Variants in WDFY1 observed in about 807,000 individuals in gnomAD.
WDFY1 encodes WD repeat and FYVE domain-containing protein 1.
WDFY1 carries 32 observed loss-of-function variants against 56.4 expected under a neutral mutation model. That is an observed-to-expected ratio of 0.57 (90% CI 0.43 to 0.76). WDFY1 has a LOEUF of 0.76. WDFY1 is among the 30% of genes least tolerant of loss of function. The pLI is 0.00. For synonymous variants in WDFY1, 192 were observed against 197.3 expected (o/e 0.97, Z 0.23); for missense variants, 480 against 545.7 (o/e 0.88, Z 1.20).
intron 3 of WDFY1, among the ~76,000 whole-genome samples, chr2:223,911,235 G>A (rs1693692509): frequency 6.6e-6 from 1 of 152,088 alleles, no homozygotes; most frequent in Non-Finnish European, 1.5e-5. Flanking sequence ...CAGGAGCTGG[G>A]GGAAGGGGCA....
intron 3 of WDFY1, among the ~76,000 whole-genome samples, chr2:223,910,785 G>C (rs1215083529): frequency 6.6e-6 from 1 of 152,084 alleles, no homozygotes; most frequent in African/African-American, 2.4e-5. Context: ...GCAAGGATTT[G>C]GAGAGCCGGA....
intron 1 of WDFY1, among the ~76,000 whole-genome samples, chr2:223,936,232 T>C (rs1694167473): frequency 6.6e-6 from 1 of 151,902 alleles, no homozygotes; most frequent in African/African-American, 2.4e-5. Context: ...TGGCTAATTT[T>C]TGTATTTTTA....
chr2:223,904,043 C>T (rs1027513689), intron 4 of WDFY1, among the ~76,000 whole-genome samples: 7 of 152,072 alleles, frequency 4.6e-5, no homozygotes, highest in African/African-American at 9.7e-5. Context: ...AAGGAATTTA[C>T]GGATTCTTGA....
intron 3 of WDFY1, 147 bp from the exon 4 acceptor site, chr2:223,906,148 T>C: frequency 1.7e-6 from 1 of 605,898 alleles, no homozygotes; most frequent in South Asian, 2.2e-5. Flanking sequence ...ATGATATGAA[T>C]TGCTTCTTTC....
intron 8 of WDFY1, among the ~76,000 whole-genome samples, chr2:223,886,137 AG>A (rs1158952105): frequency 6.6e-6 from 1 of 152,020 alleles, no homozygotes; most frequent in Non-Finnish European, 1.5e-5. Flanking sequence ...TGAGGTCAGG[AG>A]TTCAAGCCTG....
intron 1 of WDFY1, among the ~76,000 whole-genome samples, chr2:223,931,780 G>C (rs1391099005): frequency 1.3e-5 from 2 of 151,708 alleles, no homozygotes; most frequent in African/African-American, 4.8e-5. Flanking sequence ...CTGCCTCCCG[G>C]GTTCAAGCAA....
At chr2:223,893,387 G>A (rs1693311265) in intron 8 of WDFY1, among the ~76,000 whole-genome samples, 1 of 151,146 alleles carries the variant, frequency 6.6e-6, no homozygotes, top group Non-Finnish European at 1.5e-5. Flanking sequence ...AAAATAAGCT[G>A]TGCATGGTAG....
At chr2:223,921,860 G>C (rs1289462894) in intron 1 of WDFY1, among the ~76,000 whole-genome samples, 1 of 152,142 alleles carries the variant, frequency 6.6e-6, no homozygotes, top group Non-Finnish European at 1.5e-5. Context: ...GTCATCCTCA[G>C]CGTGACTACC....
At chr2:223,915,956 G>T (rs781760089) in intron 2 of WDFY1, among the ~76,000 whole-genome samples, 1 of 152,216 alleles carries the variant, frequency 6.6e-6, no homozygotes, top group African/African-American at 2.4e-5. Context: ...GAGAACCAAG[G>T]TTACGCATCC....
Position 223,945,265 on chromosome 2 carries a change from G to C in WDFY1, c.20C>G (p.Ser7Cys), listed in dbSNP as rs978730244. Residue 7 changes from serine to cysteine, a missense_variant, in exon 1 of 12, where the codon TCC becomes TGC. Coordinates refer to ENST00000233055, the MANE Select transcript of WDFY1 (RefSeq NM_020830.5). ...CACCGGGCGGCTGCTCTGCGGCCTG[G>C]AGTGGATTTCGGCCGCCATGTTCGC... MAAEIH[S>C]RPQSSRPVLL... The C allele has an allele frequency of 3.8e-6, 6 of 1,580,816 alleles. No homozygotes were observed. The highest frequency in any genetic ancestry group is 5.1e-6 in the Non-Finnish European group (6 of 1,169,224).
chr2:223,902,172 C>T (rs552570645), intron 4 of WDFY1, among the ~76,000 whole-genome samples: 9 of 152,318 alleles, frequency 5.9e-5, no homozygotes, highest in African/African-American at 1.9e-4. Context: ...CAAAAGTCTA[C>T]GTGCAGGTCA....
intron 3 of WDFY1, among the ~76,000 whole-genome samples, chr2:223,909,286 C>G (rs935865637): frequency 1.3e-5 from 2 of 152,100 alleles, no homozygotes; most frequent in Admixed American, 1.3e-4. Context: ...TCAGGAAATT[C>G]AGCTTACATA....
intron 1 of WDFY1, among the ~76,000 whole-genome samples, chr2:223,943,917 T>C (rs1386498739): frequency 1.3e-5 from 2 of 152,168 alleles, no homozygotes; most frequent in Non-Finnish European, 2.9e-5. Flanking sequence ...CCCAAAAGCA[T>C]GGTGGGCGTC....
chr2:223,907,707 A>C (rs1437523178), intron 3 of WDFY1, among the ~76,000 whole-genome samples: 1 of 152,180 alleles, frequency 6.6e-6, no homozygotes, highest in Non-Finnish European at 1.5e-5. Flanking sequence ...TGAAAGCTAA[A>C]ACGGAGAGCT....
At chr2:223,884,833 T>C (rs1430621319) in intron 8 of WDFY1, 84 bp from the exon 9 acceptor site, 15 of 1,189,174 alleles carry the variant, frequency 1.3e-5, no homozygotes, top group Non-Finnish European at 1.8e-5. Context: ...GTTCTAGACC[T>C]TGCCAAGGTT....
At chr2:223,943,236 A>C (rs1036342665) in intron 1 of WDFY1, among the ~76,000 whole-genome samples, 19 of 148,192 alleles carry the variant, frequency 1.3e-4, no homozygotes, top group African/African-American at 4.7e-4. Context: ...TCAGGTCCCC[A>C]CCTTCTCCCC....
intron 8 of WDFY1, among the ~76,000 whole-genome samples, chr2:223,886,959 T>C (rs59628064): frequency 0.01 from 1,580 of 152,166 alleles, 27 homozygotes; most frequent in African/African-American, 0.036. Context: ...TAACAGACAT[T>C]AGAAAGGCCT....
intron 8 of WDFY1, among the ~76,000 whole-genome samples, chr2:223,891,476 AAAAC>A (rs1400898300): frequency 9.3e-5 from 14 of 151,190 alleles, no homozygotes; most frequent in African/African-American, 3.2e-4. Flanking sequence ...CAGTTATTAA[AAAAC>A]AAACAAACAA....
chr2:223,897,390 A>ATATTTT (rs1461451983), intron 6 of WDFY1, among the ~76,000 whole-genome samples: 14 of 125,988 alleles, frequency 1.1e-4, no homozygotes, highest in Admixed American at 1.7e-4. Context: ...ATATATATAT[A>ATATTTT]TTTTTTAAGA....
Sources: gnomAD v4.1 joint callset for allele counts (sites outside exome capture counted in the v4.1 genomes callset) on GRCh38, gnomAD v4.1.1 for gene constraint, MANE v1.5 for transcripts, NCBI Gene and HGNC (gene_info 2026-07-23, HGNC 2026-07-21) for gene names.